Variants in ULK4 observed in about 807,000 individuals in gnomAD.
ULK4 encodes unc-51 like kinase 4.
ULK4 carries 133 observed loss-of-function variants against 160.6 expected under a neutral mutation model. The observed-to-expected ratio is 0.83, with a 90% CI of 0.72 to 0.96. ULK4 has a LOEUF of 0.96. Ranked by LOEUF, ULK4 falls within the 40% of genes least tolerant of loss-of-function variation. The pLI, the probability that ULK4 is intolerant of heterozygous loss-of-function variation, is 0.00. For synonymous variants in ULK4, 534 were observed against 539.8 expected (o/e 0.99, Z 0.15); for missense variants, 1,580 against 1,499.5 (o/e 1.05, Z -0.89).
chr3:41,393,688 C>G (rs577898001), intron 35 of ULK4, among the ~76,000 whole-genome samples: 1 of 152,288 alleles, frequency 6.6e-6, no homozygotes, highest in South Asian at 2.1e-4. Context: ...GTTTCATTAT[C>G]CCTGGTGCAG....
chr3:41,645,609 C>T (rs1162025283), intron 30 of ULK4, among the ~76,000 whole-genome samples: 1 of 151,894 alleles, frequency 6.6e-6, no homozygotes, highest in Non-Finnish European at 1.5e-5. Flanking sequence ...GCTTTACTTC[C>T]AAGTATGTGG....
chr3:41,258,872 G>T (rs1196235107), intron 35 of ULK4, among the ~76,000 whole-genome samples: 1 of 151,356 alleles, frequency 6.6e-6, no homozygotes, highest in East Asian at 1.9e-4. Flanking sequence ...GTCTTTAAAG[G>T]AAAAATCATA....
At chr3:41,340,841 T>G (rs1410604376) in intron 35 of ULK4, among the ~76,000 whole-genome samples, 3 of 152,374 alleles carry the variant, frequency 2.0e-5, no homozygotes. Context: ...AGCTGAAGTT[T>G]CTGTCACTTT....
chr3:41,371,313 C>T (rs548392401), intron 35 of ULK4, among the ~76,000 whole-genome samples: 7 of 152,350 alleles, frequency 4.6e-5, no homozygotes, highest in Admixed American at 3.3e-4. Context: ...TGGTCTGCCT[C>T]CTCAAGTGGG....
chr3:41,688,658 C>T (rs1182457297), intron 27 of ULK4, among the ~76,000 whole-genome samples: 1 of 152,136 alleles, frequency 6.6e-6, no homozygotes, highest in African/African-American at 2.4e-5. Context: ...GCTGAGGTCA[C>T]CCTAAACTTC....
At chr3:41,591,151 A>T (rs903630128) in intron 31 of ULK4, among the ~76,000 whole-genome samples, 1 of 152,224 alleles carries the variant, frequency 6.6e-6, no homozygotes, top group East Asian at 1.9e-4. Context: ...CAGCAGACTT[A>T]TTAGTAACTG....
intron 5 of ULK4, among the ~76,000 whole-genome samples, chr3:41,922,380 A>G (rs1699218833): frequency 2.0e-5 from 3 of 152,076 alleles, no homozygotes; most frequent in Non-Finnish European, 4.4e-5. Context: ...CTAGCTACTC[A>G]GGAGACTGAG....
intron 1 of ULK4, among the ~76,000 whole-genome samples, chr3:41,956,544 A>AT (rs1409712977): frequency 6.6e-6 from 1 of 152,224 alleles, no homozygotes. Flanking sequence ...CTTGACTGGT[A>AT]TGCCCCACCT....
At chr3:41,643,624 G>A (rs142490958) in intron 30 of ULK4, among the ~76,000 whole-genome samples, 295 of 152,222 alleles carry the variant, frequency 1.9e-3, no homozygotes, top group African/African-American at 6.4e-3. Context: ...GTCAGGTAGC[G>A]TGATGCCTCC....
intron 35 of ULK4, among the ~76,000 whole-genome samples, chr3:41,369,666 C>A (rs1450899410): frequency 1.3e-5 from 2 of 149,994 alleles, no homozygotes; most frequent in African/African-American, 4.9e-5. Context: ...TGGTGGTGGC[C>A]GCCTGTAATG....
At chr3:41,345,446 A>G (rs2080779178) in intron 35 of ULK4, among the ~76,000 whole-genome samples, 1 of 152,228 alleles carries the variant, frequency 6.6e-6, no homozygotes, top group South Asian at 2.1e-4. Flanking sequence ...ATGCAGCCAT[A>G]AAAAGGAATG....
chr3:41,464,368 TAAGTCTCACAC>T (rs1175284726), intron 32 of ULK4, among the ~76,000 whole-genome samples: 1 of 152,170 alleles, frequency 6.6e-6, no homozygotes, highest in Admixed American at 6.5e-5. Context: ...AAAAAAGGCA[TAAGTCTCACAC>T]AACTGCTAAG....
At chr3:41,478,861 T>G (rs1011699026) in intron 32 of ULK4, among the ~76,000 whole-genome samples, 3 of 152,252 alleles carry the variant, frequency 2.0e-5, no homozygotes, top group Non-Finnish European at 2.9e-5. Context: ...TACTTATGAC[T>G]AATTCAAAAA....
chr3:41,261,088 T>C (rs934984752), intron 35 of ULK4, among the ~76,000 whole-genome samples: 1 of 151,672 alleles, frequency 6.6e-6, no homozygotes, highest in Non-Finnish European at 1.5e-5. Flanking sequence ...GAGAGGGGAG[T>C]ACACAGGGCA....
At chr3:41,853,693 CAACAGT>C (rs2042268748) in intron 17 of ULK4, among the ~76,000 whole-genome samples, 1 of 152,128 alleles carries the variant, frequency 6.6e-6, no homozygotes, top group South Asian at 2.1e-4. Context: ...CAAGCCAAAG[CAACAGT>C]TTTGATTGGA....
intron 2 of ULK4, among the ~76,000 whole-genome samples, chr3:41,948,532 C>T (rs1444183396): frequency 6.6e-6 from 1 of 151,898 alleles, no homozygotes; most frequent in Non-Finnish European, 1.5e-5. Context: ...GATATGTCAA[C>T]AAAATGCAAG....
At chr3:41,726,970 T>C (rs76204080) in intron 22 of ULK4, among the ~76,000 whole-genome samples, 1 of 152,138 alleles carries the variant, frequency 6.6e-6, no homozygotes, top group East Asian at 1.9e-4. Context: ...CAGTATTATT[T>C]CTCCCCAGGA....
At chr3:41,770,597 G>A (rs1252739491) in intron 21 of ULK4, among the ~76,000 whole-genome samples, 1 of 149,550 alleles carries the variant, frequency 6.7e-6, no homozygotes, top group Admixed American at 6.7e-5. Context: ...GCAACCTCCA[G>A]TCTCCCAGGT....
chr3:41,768,231 A>G (rs941650454), intron 21 of ULK4, among the ~76,000 whole-genome samples: 1 of 152,212 alleles, frequency 6.6e-6, no homozygotes, highest in African/African-American at 2.4e-5. Flanking sequence ...CCCTGGTGCC[A>G]AAAAGGGTGG....
Sources: allele counts gnomAD v4.1 joint callset (sites outside exome capture counted in the v4.1 genomes callset), GRCh38; gene constraint gnomAD v4.1.1; transcripts MANE v1.5; gene names NCBI Gene and HGNC (gene_info 2026-07-23, HGNC 2026-07-21).